The following CFAP97D2 variants were observed in gnomAD, a reference collection of about 807,000 sequenced individuals.
The protein encoded by CFAP97D2 is CFAP97 domain containing 2.
At chr13:114,205,620 T>G (rs1446283837) in intron 3 of CFAP97D2, among the ~76,000 whole-genome samples, 1 of 151,826 alleles carries the variant, frequency 6.6e-6, no homozygotes, top group Non-Finnish European at 1.5e-5. Flanking sequence ...CTCGTCCCTT[T>G]GGGAAGAGCT....
At chr13:114,201,758 G>C (rs1395734698) in intron 3 of CFAP97D2, among the ~76,000 whole-genome samples, 1 of 152,248 alleles carries the variant, frequency 6.6e-6, no homozygotes, top group Non-Finnish European at 1.5e-5. Flanking sequence ...GAGCACTGCA[G>C]ACCAGTTGGT....
rs769060601 is a variant in CFAP97D2, at chr13:114,203,011, T to C, written c.290+2568T>C. Among the ~76,000 whole-genome samples the C allele has an allele frequency of 8.5e-5, 13 of 152,186 alleles. No individual in the cohort carries two copies. The highest frequency in any genetic ancestry group is 1.8e-4 in the Non-Finnish European group (12 of 68,032). ...GCCCAGAGGAAGAAGCAGACCCTCG[T>C]AACAGCTCCCATTCTCTTCCCAAAG... On this transcript the variant is annotated intron_variant, in intron 3 of 4. Coordinates refer to ENST00000646158, the Ensembl canonical transcript of CFAP97D2. This position sits in a 1 kb window ranked among gnomAD's most constrained non-coding sequence, Gnocchi z 4.3.
chr13:114,196,618 C>T (rs954471611), intron 2 of CFAP97D2, 142 bp downstream of exon 2: 15 of 394,840 alleles, frequency 3.8e-5, no homozygotes, highest in African/African-American at 6.2e-5. Context: ...TAATTAGCCC[C>T]GTCTGTCCGT....
Position 114,222,368 on chromosome 13 carries a change from T to A in CFAP97D2, c.481-130T>A. On this transcript the variant is annotated intron_variant, in intron 4 of 4. Transcript: ENST00000646158. The surrounding 1 kb of genome is among the most constrained non-coding windows in gnomAD (Gnocchi z 4.4). ...TTGTATCTAAATAAAGCTGTTATTT[T>A]AAAAATTGTATGTTTAATTCTAAGT... The A allele has an allele frequency of 2.5e-6, 1 of 395,768 alleles. No homozygotes were observed. Among genetic ancestry groups the A allele is most frequent in the Admixed American group, 4.4e-5 (1 of 22,682 alleles). 24.5% of individuals were successfully genotyped at this position (395,768 alleles called of 1,614,324 possible).
At chr13:114,193,651 C>T (rs1048654905) in intron 1 of CFAP97D2, among the ~76,000 whole-genome samples, 3 of 152,234 alleles carry the variant, frequency 2.0e-5, no homozygotes, top group African/African-American at 7.2e-5. Flanking sequence ...AAGTTTCCAA[C>T]ACATAAATTT....
At chr13:114,213,322 A>C (rs1490194127) in intron 4 of CFAP97D2, among the ~76,000 whole-genome samples, 5 of 143,184 alleles carry the variant, frequency 3.5e-5, no homozygotes, top group East Asian at 2.2e-4. Flanking sequence ...AAGCTCAAGG[A>C]CCACAGACCC....
intron 3 of CFAP97D2, among the ~76,000 whole-genome samples, chr13:114,204,011 T>C (rs2080929213): frequency 1.3e-5 from 2 of 152,234 alleles, no homozygotes. Context: ...GTAGGACTCA[T>C]GTGTCCTTAT....
intron 2 of CFAP97D2, among the ~76,000 whole-genome samples, chr13:114,198,478 T>C (rs935390437): frequency 5.9e-5 from 9 of 152,250 alleles, no homozygotes; most frequent in Non-Finnish European, 1.0e-4. Flanking sequence ...TTTCTTAAAA[T>C]ATAAAAAAGA....
intron 2 of CFAP97D2, among the ~76,000 whole-genome samples, chr13:114,197,626 A>C (rs2080893781): frequency 6.6e-6 from 1 of 151,218 alleles, no homozygotes; most frequent in African/African-American, 2.5e-5. Context: ...GTTCCAGAAT[A>C]ACTAGCATCA....
intron 1 of CFAP97D2, among the ~76,000 whole-genome samples, chr13:114,183,684 C>T (rs1470149534): frequency 7.2e-5 from 11 of 152,032 alleles, no homozygotes; most frequent in Non-Finnish European, 7.3e-5. Flanking sequence ...AGGCAGCTCT[C>T]TAAAGCCTCT....
chr13:114,214,232 C>T lies in CFAP97D2; in HGVS notation c.480+2131C>T, dbSNP rs566272920. 4.7e-5 allele frequency: 7 copies of T among 148,648 alleles called. 1 individual carries two copies. The highest frequency in any genetic ancestry group is 1.8e-4 in the African/African-American group (7 of 39,426). The allele number at this position is 148,648 out of a possible 1,614,324, so 9.2% of individuals were successfully genotyped here. Reference sequence around the variant, plus strand: ...GCTTGGTACAACATCGTAAGCCCAGCTCTGCTGCTTGCTGGACATCTCTTA... The same window carrying T: ...GCTTGGTACAACATCGTAAGCCCAGTTCTGCTGCTTGCTGGACATCTCTTA... On this transcript the variant is annotated intron_variant, in intron 4 of 4. Transcript: ENST00000646158.
chr13:114,219,539 T>C (rs928648616), intron 4 of CFAP97D2, among the ~76,000 whole-genome samples: 2 of 152,000 alleles, frequency 1.3e-5, no homozygotes, highest in Non-Finnish European at 2.9e-5. Context: ...TAAGATAAAG[T>C]CAAACAAAAA....
chr13:114,191,366 A>T (rs551995192), intron 1 of CFAP97D2, among the ~76,000 whole-genome samples: 2 of 152,342 alleles, frequency 1.3e-5, no homozygotes, highest in Non-Finnish European at 2.9e-5. Flanking sequence ...TTCGCAAAAG[A>T]TACGTCTGAT....
chr13:114,186,910 C>T lies in CFAP97D2; in HGVS notation c.90+7490C>T, dbSNP rs1261403142. The stretch of plus-strand genomic sequence containing the variant: ...GCCAGTAGCATGAGCTGAGCACAGC[C>T]TGCCAGTCCAAGTGGGCCCAGTGGG... On this transcript the variant is annotated intron_variant, in intron 1 of 4. Coordinates refer to ENST00000646158, the Ensembl canonical transcript of CFAP97D2. This position sits in a 1 kb window ranked among gnomAD's most constrained non-coding sequence, Gnocchi z 4.3. Among the ~76,000 whole-genome samples, 1 of 152,228 alleles carries T rather than the reference C, an allele frequency of 6.6e-6. No homozygotes were observed. Among genetic ancestry groups the T allele is most frequent in the African/African-American group, 2.4e-5 (1 of 41,452 alleles).
chr13:114,182,404 G>C (rs934949802), intron 1 of CFAP97D2, among the ~76,000 whole-genome samples: 1 of 151,802 alleles, frequency 6.6e-6, no homozygotes, highest in African/African-American at 2.4e-5. Context: ...CAGTTCCCAG[G>C]GGCAGGCAGG....
Position 114,182,220 on chromosome 13 carries a change from T to C in CFAP97D2, c.90+2800T>C, listed in dbSNP as rs574314223. 2.9e-3 allele frequency among the ~76,000 whole-genome samples: 437 copies of C among 150,268 alleles called. 4 individuals carry two copies. The highest frequency in any genetic ancestry group is 1.0e-2 in the African/African-American group (405 of 40,698). The stretch of plus-strand genomic sequence containing the variant: ...TAATTAAGTTCAAGGGAAGGTACTA[T>C]GCCTGGATGTGCACGTAGGCCAGAT... On this transcript the variant is annotated intron_variant, in intron 1 of 4. Coordinates refer to ENST00000646158, the Ensembl canonical transcript of CFAP97D2.
rs1566609640 is a variant in CFAP97D2 at position 114,179,978 on chromosome 13, G to A, written c.90+558G>A. 1.3e-5 allele frequency among the ~76,000 whole-genome samples: 2 copies of A among 152,060 alleles called. No homozygotes were observed. The highest frequency in any genetic ancestry group is 1.5e-5 in the Non-Finnish European group (1 of 67,998). On this transcript the variant is annotated intron_variant, in intron 1 of 4. Coordinates refer to ENST00000646158, the Ensembl canonical transcript of CFAP97D2. This position sits in a 1 kb window ranked among gnomAD's most constrained non-coding sequence, Gnocchi z 4.8. Reference sequence around the variant, plus strand: ...GCATCCTTTTCTCTATCAAAACAGTGGACTCCAAGGGGGACTAAAAGCCAA... The same window carrying A: ...GCATCCTTTTCTCTATCAAAACAGTAGACTCCAAGGGGGACTAAAAGCCAA...
chr13:114,181,074 C>T (rs2080830340), intron 1 of CFAP97D2, among the ~76,000 whole-genome samples: 1 of 152,174 alleles, frequency 6.6e-6, no homozygotes, highest in African/African-American at 2.4e-5. Flanking sequence ...AGTGTGGCCC[C>T]CGAGTAGCAG....
At chr13:114,209,536 C>T (rs925887020) in intron 3 of CFAP97D2, among the ~76,000 whole-genome samples, 1 of 152,044 alleles carries the variant, frequency 6.6e-6, no homozygotes, top group Admixed American at 6.5e-5. Flanking sequence ...CAGCCTTCAC[C>T]TAAATGTCAC....
Sources: gnomAD v4.1 joint callset for allele counts (sites outside exome capture counted in the v4.1 genomes callset) on GRCh38, gnomAD v4.1.1 for gene constraint, Gnocchi (gnomAD v3.1) non-coding constraint, MANE v1.5 for transcripts, NCBI Gene and HGNC (gene_info 2026-07-23, HGNC 2026-07-21) for gene names.